Variants in TRAPPC12 observed in about 807,000 individuals in gnomAD.
The protein encoded by TRAPPC12 is trafficking protein particle complex subunit 12.
Under a neutral mutation model 69.2 loss-of-function variants are expected in TRAPPC12, and 61 were observed. The ratio of observed to expected loss-of-function variants is 0.88; its 90% CI spans 0.72 to 1.09. The LOEUF is 1.09. TRAPPC12 is among the 50% of genes least tolerant of loss of function. The pLI is 0.00. For missense variants in TRAPPC12, 1,101 were observed against 1,016.4 expected (o/e 1.08, Z -1.13); for synonymous variants, 469 against 438.9 (o/e 1.07, Z -0.86).
At chr2:3,421,289 T>C (rs1662769653) in intron 3 of TRAPPC12, among the ~76,000 whole-genome samples, 1 of 152,264 alleles carries the variant, frequency 6.6e-6, no homozygotes, top group Non-Finnish European at 1.5e-5. Context: ...CCAGCCAGCC[T>C]TTCCATGTTG....
At chr2:3,464,941 T>C (rs1474644157) in intron 8 of TRAPPC12, among the ~76,000 whole-genome samples, 1 of 152,216 alleles carries the variant, frequency 6.6e-6, no homozygotes, top group East Asian at 1.9e-4. Flanking sequence ...GCAAAGGCCT[T>C]TGGCAGAAAC....
At chr2:3,427,986 C>A (rs772129419) in intron 5 of TRAPPC12, among the ~76,000 whole-genome samples, 1 of 152,046 alleles carries the variant, frequency 6.6e-6, no homozygotes, top group Non-Finnish European at 1.5e-5. Flanking sequence ...TCCTATTTTA[C>A]AGTGTGCTGA....
At chr2:3,442,194 C>G (rs558242639) in intron 5 of TRAPPC12, among the ~76,000 whole-genome samples, 1 of 152,056 alleles carries the variant, frequency 6.6e-6, no homozygotes, top group South Asian at 2.1e-4. Context: ...AAACTGAGAT[C>G]GGAGTATTAA....
At chr2:3,394,388 C>G (rs771278204) in intron 2 of TRAPPC12, among the ~76,000 whole-genome samples, 55 of 152,026 alleles carry the variant, frequency 3.6e-4, no homozygotes, top group African/African-American at 1.2e-3. Context: ...TTTGGGAGTC[C>G]GAGGTGGGTG....
chr2:3,397,046 G>T (rs1661174854), intron 2 of TRAPPC12, among the ~76,000 whole-genome samples: 1 of 152,136 alleles, frequency 6.6e-6, no homozygotes, highest in South Asian at 2.1e-4. Context: ...CATTATCTAT[G>T]TAATATCTGC....
intron 8 of TRAPPC12, chr2:3,462,815 C>T (rs994705804): frequency 9.1e-6 from 4 of 441,488 alleles, no homozygotes; most frequent in African/African-American, 4.0e-5. Context: ...CCCCCTCCCC[C>T]GGGTGCCCCT....
rs1160041320 is a variant in TRAPPC12, at chr2:3,479,205, G to A, written c.1966-14G>A. The A allele has an allele frequency of 1.9e-6, 3 of 1,609,966 alleles. No homozygotes were observed. Among genetic ancestry groups the A allele is most frequent in the Middle Eastern group, 1.6e-4 (1 of 6,064 alleles). The stretch of plus-strand genomic sequence containing the variant: ...GGTTGTGTGGGCCAACCCTGGGCGT[G>A]TGCTCCTCCCTAGGCCAACAACAAC... On this transcript the variant is annotated splice_polypyrimidine_tract_variant and intron_variant, in intron 11 of 11. Coordinates refer to ENST00000324266, the MANE Select transcript of TRAPPC12 (RefSeq NM_016030.6).
intron 6 of TRAPPC12, among the ~76,000 whole-genome samples, chr2:3,444,696 A>G (rs1294624989): frequency 1.3e-5 from 2 of 152,196 alleles, no homozygotes; most frequent in Non-Finnish European, 2.9e-5. Context: ...TTCACTTCCT[A>G]ACTGTTGTGG....
chr2:3,422,014 G>A lies in TRAPPC12; in HGVS notation c.1278+20G>A, dbSNP rs751319419. Reference sequence around the variant, plus strand: ...CTGCAGGTGAGAACACCTTTCAGGTGCTGGAGTTTAACCTGGCTTATCACA... The same window carrying A: ...CTGCAGGTGAGAACACCTTTCAGGTACTGGAGTTTAACCTGGCTTATCACA... On this transcript the variant is annotated intron_variant, in intron 4 of 11. Transcript: ENST00000324266. 27 of 1,587,088 alleles carry A rather than the reference G, an allele frequency of 1.7e-5. No individual in the cohort carries two copies. The East Asian group carries it at 5.3e-4, about 31-fold the overall frequency.
At chr2:3,398,800 A>G (rs1387683131) in intron 2 of TRAPPC12, among the ~76,000 whole-genome samples, 1 of 152,202 alleles carries the variant, frequency 6.6e-6, no homozygotes, top group Non-Finnish European at 1.5e-5. Flanking sequence ...TGAGTCCCAG[A>G]TTGTGATATA....
intron 9 of TRAPPC12, among the ~76,000 whole-genome samples, chr2:3,477,379 ATTAG>A (rs912611532): frequency 9.2e-5 from 14 of 152,340 alleles, no homozygotes; most frequent in Admixed American, 2.6e-4. Flanking sequence ...GTTTCATCTT[ATTAG>A]TTATTCATTT....
chr2:3,449,688 CAGGCGTGGCT>C (rs1664748085), intron 6 of TRAPPC12, among the ~76,000 whole-genome samples: 1 of 152,288 alleles, frequency 6.6e-6, no homozygotes, highest in Admixed American at 6.5e-5. Flanking sequence ...TAAGTGAGAA[CAGGCGTGGCT>C]GGCCTCTAAC....
At chr2:3,468,922 A>C (rs953594201) in intron 9 of TRAPPC12, among the ~76,000 whole-genome samples, 1 of 152,104 alleles carries the variant, frequency 6.6e-6, no homozygotes, top group Non-Finnish European at 1.5e-5. Flanking sequence ...GGTGCAGGAC[A>C]AGATGGGGTT....
chr2:3,420,485 A>C (rs934286037), intron 3 of TRAPPC12, among the ~76,000 whole-genome samples: 55 of 152,212 alleles, frequency 3.6e-4, no homozygotes, highest in African/African-American at 1.3e-3. Context: ...TATCTTCTTT[A>C]ATTGTCACAT....
chr2:3,461,402 C>T (rs1450636176), intron 8 of TRAPPC12, among the ~76,000 whole-genome samples: 2 of 152,228 alleles, frequency 1.3e-5, no homozygotes, highest in African/African-American at 4.8e-5. Context: ...TGCGCTTCTG[C>T]GTCTACGTCA....
At chr2:3,415,513 C>G (rs1450253471) in intron 3 of TRAPPC12, among the ~76,000 whole-genome samples, 1 of 151,258 alleles carries the variant, frequency 6.6e-6, no homozygotes, top group African/African-American at 2.4e-5. Context: ...AAGTGATTCT[C>G]CTGCCTCAGC....
At position 3,465,594 on chromosome 2, in the gene TRAPPC12, C is replaced by T. The variant is rs768677923; in HGVS notation, c.1678-3C>T. On this transcript the variant is annotated splice_region_variant and splice_polypyrimidine_tract_variant and intron_variant, in intron 8 of 11. Coordinates refer to ENST00000324266, the MANE Select transcript of TRAPPC12 (RefSeq NM_016030.6). ...AAAGTACGTTGGGTTTTTCTTCCCACAGGATTATGTGCTGGCCGTGGAGGC... is the reference window on the plus strand; with the variant it reads ...AAAGTACGTTGGGTTTTTCTTCCCATAGGATTATGTGCTGGCCGTGGAGGC... The T allele has an allele frequency of 1.9e-6, 3 of 1,611,886 alleles. No individual in the cohort carries two copies. The East Asian group carries it at 6.7e-5, about 36-fold the overall frequency.
chr2:3,441,996 T>C (rs1430750489), intron 5 of TRAPPC12, among the ~76,000 whole-genome samples: 1 of 152,216 alleles, frequency 6.6e-6, no homozygotes, highest in Non-Finnish European at 1.5e-5. Flanking sequence ...TCTGCCACCT[T>C]CTCAGGTGAA....
At chr2:3,465,466 T>G in intron 8 of TRAPPC12, 131 bp from the exon 9 acceptor site, 1 of 656,582 alleles carries the variant, frequency 1.5e-6, no homozygotes, top group African/African-American at 1.8e-5. Context: ...GGTTTCCAGC[T>G]TCCCCGCCAG....
Sources: gnomAD v4.1 joint callset for allele counts (sites outside exome capture counted in the v4.1 genomes callset) on GRCh38, gnomAD v4.1.1 for gene constraint, MANE v1.5 for transcripts, NCBI Gene and HGNC (gene_info 2026-07-23, HGNC 2026-07-21) for gene names.